The following RYR2 variants were observed in gnomAD, a reference collection of about 807,000 sequenced individuals.
RYR2 encodes cardiac muscle ryanodine receptor-calcium release channel.
Under a neutral mutation model 601.1 loss-of-function variants are expected in RYR2, and 227 were observed. That is an observed-to-expected ratio of 0.38 (90% CI 0.34 to 0.42). The LOEUF (loss-of-function observed/expected upper bound fraction) is 0.42. Ranked by LOEUF, RYR2 falls within the 10% of genes least tolerant of loss-of-function variation. The pLI is 1.00. For missense variants in RYR2, 4,646 were observed against 6,156.5 expected, an observed-to-expected ratio of 0.75 and a Z score of 8.21; for synonymous variants, 2,223 against 2,175.1, an observed-to-expected ratio of 1.02 and a Z score of -0.61.
rs1695112545 is a variant in RYR2, at chr1:237,781,554, C to T, written c.11881-11C>T. 2 of 1,389,388 alleles carry T rather than the reference C, an allele frequency of 1.4e-6. No homozygotes were observed. The highest frequency in any genetic ancestry group is 2.5e-5 in the South Asian group (2 of 81,514). The allele number at this position is 1,389,388 out of a possible 1,614,324, so 86.1% of individuals were successfully genotyped here. On this transcript the variant is annotated splice_polypyrimidine_tract_variant and intron_variant, in intron 88 of 104. Transcript: ENST00000366574. Reference sequence around the variant, plus strand: ...CTTGTATTATCTCAAATGCAATGTTCATATTTTCAGGATTCCAGTCAAATT... The same window carrying T: ...CTTGTATTATCTCAAATGCAATGTTTATATTTTCAGGATTCCAGTCAAATT...
intron 100 of RYR2, among the ~76,000 whole-genome samples, chr1:237,810,192 G>A (rs879032134): frequency 1.3e-5 from 2 of 152,042 alleles, no homozygotes; most frequent in Admixed American, 6.5e-5. Flanking sequence ...AAATAAAGTC[G>A]TAAAGGCAAA....
chr1:237,294,628 A>G (rs1457825926), intron 2 of RYR2, among the ~76,000 whole-genome samples: 1 of 152,208 alleles, frequency 6.6e-6, no homozygotes, highest in Non-Finnish European at 1.5e-5. Flanking sequence ...ACATTTTAAA[A>G]TTATACTTGC....
At chr1:237,109,345 GTT>G (rs35600188) in intron 1 of RYR2, among the ~76,000 whole-genome samples, 1 of 150,130 alleles carries the variant, frequency 6.7e-6, no homozygotes. Flanking sequence ...GGTAAAGCTG[GTT>G]TTTTTTTTAA....
At chr1:237,350,262 G>A (rs183206701) in intron 3 of RYR2, among the ~76,000 whole-genome samples, 1 of 151,994 alleles carries the variant, frequency 6.6e-6, no homozygotes, top group African/African-American at 2.4e-5. Flanking sequence ...TCTAAAGAAA[G>A]CTGGTATAAC....
intron 1 of RYR2, among the ~76,000 whole-genome samples, chr1:237,233,075 G>A (rs1052469596): frequency 3.3e-5 from 5 of 152,184 alleles, no homozygotes; most frequent in African/African-American, 7.2e-5. Flanking sequence ...TGCACAGAAC[G>A]ATAGGATATA....
rs148785435 is a variant in RYR2, at chr1:237,491,670, T to G, written c.1709-136T>G. The G allele has an allele frequency of 1.1e-3, 598 of 564,094 alleles. 2 individuals are homozygous for G. Among genetic ancestry groups the G allele is most frequent in the Non-Finnish European group, 1.7e-3 (526 of 311,728 alleles). 34.9% of individuals were successfully genotyped at this position (564,094 alleles called of 1,614,324 possible). ...AAACACCACCTGTCACCTATCACAG[T>G]GCCTTGTAACAGTCACATTGAGCAC... On this transcript the variant is annotated intron_variant, in intron 17 of 104. Coordinates refer to ENST00000366574, the MANE Select transcript of RYR2 (RefSeq NM_001035.3).
At chr1:237,776,655 C>G (rs1009030425) in intron 87 of RYR2, among the ~76,000 whole-genome samples, 3 of 152,016 alleles carry the variant, frequency 2.0e-5, no homozygotes, top group African/African-American at 7.3e-5. Context: ...CTCTCTCTCT[C>G]TCTCTTTCCC....
At chr1:237,055,226 A>T (rs1033957502) in intron 1 of RYR2, among the ~76,000 whole-genome samples, 25 of 152,124 alleles carry the variant, frequency 1.6e-4, no homozygotes, top group Non-Finnish European at 3.5e-4. Flanking sequence ...CTGCTGTGTC[A>T]TCCTGGGGGG....
At chr1:237,091,178 C>T (rs763325483) in intron 1 of RYR2, among the ~76,000 whole-genome samples, 1 of 152,094 alleles carries the variant, frequency 6.6e-6, no homozygotes, top group Non-Finnish European at 1.5e-5. Flanking sequence ...GGATCAAACA[C>T]CCCTGCTAAC....
At chr1:237,519,149 T>G (rs1666847439) in intron 24 of RYR2, among the ~76,000 whole-genome samples, 1 of 152,182 alleles carries the variant, frequency 6.6e-6, no homozygotes, top group Admixed American at 6.5e-5. Flanking sequence ...TTGAATTGTT[T>G]GTTTCTTGCA....
At chr1:237,148,786 C>T (rs759190145) in intron 1 of RYR2, among the ~76,000 whole-genome samples, 8 of 151,850 alleles carry the variant, frequency 5.3e-5, no homozygotes, top group Non-Finnish European at 8.8e-5. Flanking sequence ...ATACCGACTT[C>T]GTAGGATTGT....
chr1:237,243,512 G>A (rs1450968286), intron 1 of RYR2, among the ~76,000 whole-genome samples: 1 of 152,120 alleles, frequency 6.6e-6, no homozygotes, highest in Non-Finnish European at 1.5e-5. Flanking sequence ...TGCCCTCCCT[G>A]GGCACCACCA....
chr1:237,280,793 T>G (rs1037447666), intron 2 of RYR2, among the ~76,000 whole-genome samples: 2 of 151,218 alleles, frequency 1.3e-5, no homozygotes, highest in African/African-American at 2.4e-5. Context: ...TTTTTTTTTT[T>G]TTGTTTTCTG....
At chr1:237,208,739 C>T (rs1682098457) in intron 1 of RYR2, among the ~76,000 whole-genome samples, 1 of 151,744 alleles carries the variant, frequency 6.6e-6, no homozygotes. Context: ...GTTCTACTCT[C>T]TTAGCAAATT....
chr1:237,419,125 A>G (rs1401838328), intron 11 of RYR2, among the ~76,000 whole-genome samples: 1 of 152,136 alleles, frequency 6.6e-6, no homozygotes, highest in Non-Finnish European at 1.5e-5. Context: ...TACTAATTAT[A>G]TATGTAATTA....
At chr1:237,167,168 T>C (rs1436959796) in intron 1 of RYR2, among the ~76,000 whole-genome samples, 1 of 152,194 alleles carries the variant, frequency 6.6e-6, no homozygotes, top group Non-Finnish European at 1.5e-5. Flanking sequence ...TCTTGGTGAA[T>C]CCCTGTTGGC....
chr1:237,061,209 T>TGTTC (rs1662786528), intron 1 of RYR2, among the ~76,000 whole-genome samples: 2 of 67,916 alleles, frequency 2.9e-5, no homozygotes, highest in African/African-American at 5.7e-5. Flanking sequence ...AAAATACGGT[T>TGTTC]GTTCTATCTA....
chr1:237,158,135 T>A (rs553833474), intron 1 of RYR2, among the ~76,000 whole-genome samples: 22 of 152,354 alleles, frequency 1.4e-4, no homozygotes, highest in African/African-American at 5.3e-4. Flanking sequence ...CAAGAGTTAA[T>A]GTGTTTTAAG....
chr1:237,099,181 G>A (rs907324661), intron 1 of RYR2, among the ~76,000 whole-genome samples: 2 of 152,042 alleles, frequency 1.3e-5, no homozygotes, highest in African/African-American at 4.8e-5. Flanking sequence ...CTGGTCAGCA[G>A]AGGTTGCTGT....
Sources: gnomAD v4.1 joint callset for allele counts (sites outside exome capture counted in the v4.1 genomes callset) on GRCh38, gnomAD v4.1.1 for gene constraint, MANE v1.5 for transcripts, NCBI Gene and HGNC (gene_info 2026-07-23, HGNC 2026-07-21) for gene names.